Variants in BBX observed in about 807,000 individuals in gnomAD.
BBX encodes BBX high mobility group box domain containing.
In BBX, 30 loss-of-function variants were observed where a neutral mutation model predicts 100.2. The ratio of observed to expected loss-of-function variants is 0.30; its 90% CI spans 0.22 to 0.41. The LOEUF is 0.41. Among genes scored for constraint, BBX ranks in the 10% least tolerant of loss-of-function variants. The pLI, the probability that BBX is intolerant of heterozygous loss-of-function variation, is 1.00. For missense variants in BBX, 1,023 were observed against 1,129.8 expected (o/e 0.91, Z 1.35); for synonymous variants, 376 against 388.1 (o/e 0.97, Z 0.37).
chr3:107,786,733 G>A (rs764460514), intron 13 of BBX, among the ~76,000 whole-genome samples: 2 of 152,094 alleles, frequency 1.3e-5, no homozygotes, highest in Non-Finnish European at 2.9e-5. Context: ...AGATTTGGCA[G>A]TGAATCCTTA....
intron 2 of BBX, among the ~76,000 whole-genome samples, chr3:107,644,144 A>G (rs890292904): frequency 1.3e-5 from 2 of 152,206 alleles, no homozygotes; most frequent in African/African-American, 4.8e-5. Context: ...TTATATTAAT[A>G]GAAACAAATC....
At chr3:107,727,627 C>T (rs1422695756) in intron 5 of BBX, among the ~76,000 whole-genome samples, 2 of 152,020 alleles carry the variant, frequency 1.3e-5, no homozygotes, top group Non-Finnish European at 2.9e-5. Context: ...TAATTCTACA[C>T]CATTGTCAAT....
At chr3:107,782,103 T>C (rs753310850) in intron 13 of BBX, among the ~76,000 whole-genome samples, 13 of 152,134 alleles carry the variant, frequency 8.5e-5, no homozygotes, top group Non-Finnish European at 1.6e-4. Flanking sequence ...TACAGGAATA[T>C]GGTGGCAGCA....
intron 3 of BBX, among the ~76,000 whole-genome samples, chr3:107,680,160 G>T (rs965402982): frequency 3.3e-5 from 5 of 152,128 alleles, no homozygotes; most frequent in African/African-American, 1.2e-4. Flanking sequence ...GGAGAAGCAA[G>T]CCAAACCTTC....
intron 2 of BBX, among the ~76,000 whole-genome samples, chr3:107,552,499 C>T (rs1576279333): frequency 1.3e-5 from 2 of 152,000 alleles, no homozygotes; most frequent in African/African-American, 4.8e-5. Flanking sequence ...GGTATTAAGG[C>T]CTGGGAATAT....
At chr3:107,527,741 G>C (rs1257953016) in intron 2 of BBX, among the ~76,000 whole-genome samples, 1 of 152,098 alleles carries the variant, frequency 6.6e-6, no homozygotes, top group Non-Finnish European at 1.5e-5. Flanking sequence ...CAGGCCAATC[G>C]GAGTGTCAAA....
intron 2 of BBX, among the ~76,000 whole-genome samples, chr3:107,594,205 T>G (rs1026447597): frequency 1.4e-4 from 21 of 152,222 alleles, no homozygotes; most frequent in African/African-American, 4.3e-4. Context: ...TTTCTTGGGC[T>G]GTTTCCCTTT....
At chr3:107,775,651 G>GT (rs142696293) in intron 12 of BBX, among the ~76,000 whole-genome samples, 1,811 of 152,180 alleles carry the variant, frequency 0.012, 37 homozygotes, top group African/African-American at 0.04. Context: ...TTTCAAAAGT[G>GT]TGTTTAAAGC....
chr3:107,636,632 C>T (rs541295339), intron 2 of BBX, among the ~76,000 whole-genome samples: 14 of 152,222 alleles, frequency 9.2e-5, no homozygotes, highest in African/African-American at 1.2e-4. Context: ...TTGGTGCCCC[C>T]GGAGTTGTAT....
intron 5 of BBX, among the ~76,000 whole-genome samples, chr3:107,722,422 A>C (rs543401090): frequency 6.6e-6 from 1 of 152,004 alleles, no homozygotes; most frequent in Non-Finnish European, 1.5e-5. Context: ...AAATTAGTGC[A>C]CACTGATTAA....
chr3:107,563,756 A>G (rs1012031736), intron 2 of BBX, among the ~76,000 whole-genome samples: 2 of 152,218 alleles, frequency 1.3e-5, no homozygotes, highest in African/African-American at 4.8e-5. Flanking sequence ...TCATGAAAAC[A>G]GGGACCTTCA....
chr3:107,526,674 GA>G, intron 2 of BBX: 1 of 243,686 alleles, frequency 4.1e-6, no homozygotes. Flanking sequence ...AATTTATAAT[GA>G]AATTTTACAT....
intron 1 of BBX, among the ~76,000 whole-genome samples, chr3:107,525,077 C>G (rs1291219852): frequency 6.7e-6 from 1 of 149,828 alleles, no homozygotes. Context: ...CGCGGCCCCC[C>G]GCCCCTGCGC....
intron 2 of BBX, among the ~76,000 whole-genome samples, chr3:107,579,557 G>C (rs1420878309): frequency 1.3e-5 from 2 of 152,214 alleles, no homozygotes; most frequent in African/African-American, 4.8e-5. Flanking sequence ...TTATTTGAGT[G>C]TAACTCCTGA....
intron 2 of BBX, among the ~76,000 whole-genome samples, chr3:107,628,504 AT>A (rs1200766486): frequency 3.9e-5 from 6 of 152,074 alleles, no homozygotes; most frequent in South Asian, 2.1e-4. Context: ...AGATTAAATA[AT>A]TTTTTTCTCA....
At chr3:107,652,390 G>T (rs2057892299) in intron 3 of BBX, among the ~76,000 whole-genome samples, 2 of 102,450 alleles carry the variant, frequency 2.0e-5, no homozygotes, top group South Asian at 2.6e-4. Flanking sequence ...CAGTTTTTCT[G>T]TGTACTTATA....
Position 107,553,375 on chromosome 3 carries a change from T to C in BBX, c.-84+26977T>C, listed in dbSNP as rs1458113527. On this transcript the variant is annotated intron_variant, in intron 2 of 17. Transcript: ENST00000325805. The stretch of plus-strand genomic sequence containing the variant: ...AAATATCTATCCATGTAGCTATTTC[T>C]ATGCTTCAGGATTTGAGTTCTGGTC... 2.6e-5 allele frequency among the ~76,000 whole-genome samples: 4 copies of C among 152,358 alleles called. No individual in the cohort carries two copies. In the East Asian group the frequency reaches 7.7e-4, roughly 29 times the overall value.
intron 2 of BBX, among the ~76,000 whole-genome samples, chr3:107,598,964 C>G (rs775053504): frequency 6.6e-6 from 1 of 152,092 alleles, no homozygotes; most frequent in Non-Finnish European, 1.5e-5. Flanking sequence ...CTGGGGCCCT[C>G]TGGCCCCAGG....
At chr3:107,551,293 C>G (rs1030165502) in intron 2 of BBX, among the ~76,000 whole-genome samples, 9 of 152,172 alleles carry the variant, frequency 5.9e-5, no homozygotes, top group Non-Finnish European at 1.2e-4. Context: ...TCTTCGATTA[C>G]TAATGAGCCC....
Sources: gnomAD v4.1 joint callset for allele counts (sites outside exome capture counted in the v4.1 genomes callset) on GRCh38, gnomAD v4.1.1 for gene constraint, MANE v1.5 for transcripts, NCBI Gene and HGNC (gene_info 2026-07-23, HGNC 2026-07-21) for gene names.